ITGB5: variants seen among roughly 807,000 people sequenced by gnomAD.
The protein encoded by ITGB5 is integrin subunit beta 5.
A neutral mutation model predicts 84.8 loss-of-function variants in ITGB5; 38 were observed. That is an observed-to-expected ratio of 0.45 (90% CI 0.35 to 0.59). ITGB5 has a LOEUF of 0.59. ITGB5 is among the 20% of genes least tolerant of loss of function. ITGB5 has a pLI of 0.01. For synonymous variants in ITGB5, 393 were observed against 414.4 expected (o/e 0.95, Z 0.63); for missense variants, 905 against 1,034.5 (o/e 0.87, Z 1.72).
chr3:124,796,914 TC>T, intron 9 of ITGB5, 97 bp from the exon 10 acceptor site: 2 of 1,172,230 alleles, frequency 1.7e-6, no homozygotes, highest in Non-Finnish European at 2.4e-6. Context: ...AGCTGCGAAC[TC>T]CAGCCCTCTC....
chr3:124,796,579 T>C lies in ITGB5; in HGVS notation c.1502A>G (p.Gln501Arg). Reference sequence around the variant, plus strand: ...GTACACGCTCTGGTTCTCCCCATCCTGGCACTCGCACCTGGTGCCCAGGTA... The same window carrying C: ...GTACACGCTCTGGTTCTCCCCATCCCGGCACTCGCACCTGGTGCCCAGGTA... ...PGYLGTRCEC[Q>R]DGENQSVYQN... The change falls in exon 10 of 15, where the codon CAG becomes CGG. Residue 501 changes from glutamine to arginine, a missense_variant. Transcript: ENST00000296181. The C allele has an allele frequency of 2.5e-6, 4 of 1,614,122 alleles. No homozygotes were observed. The highest frequency in any genetic ancestry group is 3.4e-6 in the Non-Finnish European group (4 of 1,180,028).
intron 10 of ITGB5, among the ~76,000 whole-genome samples, chr3:124,777,401 A>G (rs1218390854): frequency 6.6e-6 from 1 of 152,226 alleles, no homozygotes; most frequent in Non-Finnish European, 1.5e-5. Flanking sequence ...GATGACTTCA[A>G]AGCAAAGCCC....
chr3:124,820,567 G>C (rs2064685802), intron 6 of ITGB5, among the ~76,000 whole-genome samples: 1 of 152,140 alleles, frequency 6.6e-6, no homozygotes, highest in African/African-American at 2.4e-5. Context: ...ACCACCTCTT[G>C]AAACTGGAGA....
intron 5 of ITGB5, among the ~76,000 whole-genome samples, chr3:124,827,475 T>C (rs2064799635): frequency 6.6e-6 from 1 of 152,234 alleles, no homozygotes; most frequent in Non-Finnish European, 1.5e-5. Context: ...GAATATAAAT[T>C]ATTGCATGCT....
intron 5 of ITGB5, among the ~76,000 whole-genome samples, chr3:124,825,322 T>C (rs1428707992): frequency 1.3e-5 from 2 of 152,112 alleles, no homozygotes; most frequent in Admixed American, 6.5e-5. Flanking sequence ...ACACTTACTA[T>C]CAATCCAGCA....
chr3:124,783,782 A>G (rs769333352), intron 10 of ITGB5, among the ~76,000 whole-genome samples: 1 of 152,268 alleles, frequency 6.6e-6, no homozygotes, highest in Non-Finnish European at 1.5e-5. Flanking sequence ...TTGTGGTCAC[A>G]CTGAAATCGC....
intron 9 of ITGB5, among the ~76,000 whole-genome samples, chr3:124,801,922 C>T (rs1423851504): frequency 6.6e-6 from 1 of 152,258 alleles, no homozygotes; most frequent in Admixed American, 6.5e-5. Flanking sequence ...ATGCTCTTCA[C>T]ACCCTAGCAG....
chr3:124,774,062 G>T, intron 10 of ITGB5, 150 bp from the exon 11 acceptor site: 2 of 732,272 alleles, frequency 2.7e-6, no homozygotes, highest in South Asian at 1.8e-5. Flanking sequence ...TAGACAGAGG[G>T]CCTAGAGCCA....
chr3:124,773,796 C>T lies in ITGB5; in HGVS notation c.1810G>A (p.Glu604Lys), dbSNP rs574639100. The change falls in exon 11 of 15, where the codon GAG becomes AAG. Residue 604 changes from glutamate to lysine, a missense_variant. Coordinates refer to ENST00000296181, the MANE Select transcript of ITGB5 (RefSeq NM_002213.5). ...TGCCCACAGAGACAGTGCCCACGCT[C>T]GCTGCAGATCTGGCCATCTCTGCCC... ...CRGRDGQICS[E>K]RGHCLCGQCQ... 47 of 1,613,934 alleles carry T rather than the reference C, an allele frequency of 2.9e-5. No homozygotes were observed. The Admixed American group carries it at 3.8e-4, about 13-fold the overall frequency.
intron 8 of ITGB5, among the ~76,000 whole-genome samples, chr3:124,811,910 A>G (rs1167607968): frequency 6.6e-6 from 1 of 152,178 alleles, no homozygotes; most frequent in East Asian, 1.9e-4. Context: ...GGCTCTTTCT[A>G]ATCCCCACAC....
chr3:124,806,223 C>T (rs993294884), intron 9 of ITGB5, among the ~76,000 whole-genome samples: 7 of 152,122 alleles, frequency 4.6e-5, no homozygotes, highest in Non-Finnish European at 1.0e-4. Flanking sequence ...TGAAACCTGG[C>T]GTATGCTAGA....
At chr3:124,841,082 T>G (rs1388072791) in intron 5 of ITGB5, among the ~76,000 whole-genome samples, 1 of 152,202 alleles carries the variant, frequency 6.6e-6, no homozygotes, top group African/African-American at 2.4e-5. Flanking sequence ...TTTTTTCCCC[T>G]GAAAATAAAC....
upstream of ITGB5, among the ~76,000 whole-genome samples, chr3:124,889,037 G>GA (rs1229992409): frequency 1.3e-5 from 2 of 152,148 alleles, no homozygotes; most frequent in African/African-American, 2.4e-5. Context: ...TAAGCCAGGA[G>GA]AAAAATCAAG....
In ITGB5 at chr3:124,887,091, C is replaced by T. The variant is rs1167115354; in HGVS notation, c.-91G>A. The T allele has an allele frequency of 7.9e-6, 3 of 379,304 alleles. No individual in the cohort carries two copies. The highest frequency in any genetic ancestry group is 4.4e-5 in the African/African-American group (2 of 45,294). The allele number at this position is 379,304 out of a possible 1,614,324, so 23.5% of individuals were successfully genotyped here. A position where few individuals can be genotyped will look rare whatever the true frequency, so the allele number is the denominator to read the frequency against. ...GGGCCGGAGCGCGGGGGCCGAGGGCCGGGGGCCGCAGCCGCATGCCCCGCG... is the reference window on the plus strand; with the variant it reads ...GGGCCGGAGCGCGGGGGCCGAGGGCTGGGGGCCGCAGCCGCATGCCCCGCG... On this transcript the variant is annotated 5_prime_UTR_variant, in exon 1 of 15. Transcript: ENST00000296181.
intron 2 of ITGB5, among the ~76,000 whole-genome samples, chr3:124,865,661 CTTTTT>C (rs1579316089): frequency 6.6e-6 from 1 of 151,226 alleles, no homozygotes; most frequent in African/African-American, 2.4e-5. Flanking sequence ...TGATTTTTTA[CTTTTT>C]TTGTAGAGAC....
At chr3:124,811,207 T>C (rs1277286857) in intron 8 of ITGB5, among the ~76,000 whole-genome samples, 1 of 152,210 alleles carries the variant, frequency 6.6e-6, no homozygotes, top group Non-Finnish European at 1.5e-5. Context: ...TTTGCAGATC[T>C]GTCTTCCCTA....
At chr3:124,764,314 A>C in intron 14 of ITGB5, 77 bp downstream of exon 14, 1 of 1,455,964 alleles carries the variant, frequency 6.9e-7, no homozygotes, top group Non-Finnish European at 9.4e-7. Context: ...GTGAGCCTCT[A>C]TTGCTAACAT....
chr3:124,849,896 G>C (rs557415610), intron 3 of ITGB5, among the ~76,000 whole-genome samples: 2 of 150,766 alleles, frequency 1.3e-5, no homozygotes, highest in African/African-American at 4.8e-5. Context: ...CATTCTATCT[G>C]CCTTGGGCTT....
chr3:124,810,908 T>TCTTC (rs1553759104), intron 8 of ITGB5, among the ~76,000 whole-genome samples: 115 of 150,034 alleles, frequency 7.7e-4, no homozygotes, highest in Middle Eastern at 3.4e-3. Flanking sequence ...CTCTTGTGGG[T>TCTTC]TTTCTTTCTT....
Sources: gnomAD v4.1 joint callset for allele counts (sites outside exome capture counted in the v4.1 genomes callset) on GRCh38, gnomAD v4.1.1 for gene constraint, MANE v1.5 for transcripts, NCBI Gene and HGNC (gene_info 2026-07-23, HGNC 2026-07-21) for gene names.